Variants in POC1B observed in about 807,000 individuals in gnomAD.
POC1B encodes the protein POC1 centriolar protein homolog B.
Under a neutral mutation model 60.6 loss-of-function variants are expected in POC1B, and 44 were observed. The observed-to-expected ratio is 0.73, with a 90% CI of 0.57 to 0.93. The LOEUF is 0.93. POC1B is among the 40% of genes least tolerant of loss of function. The probability of loss-of-function intolerance (pLI) is 0.00; values close to 1 mark genes in which losing one functional copy is unlikely to be tolerated. For synonymous variants in POC1B, 180 were observed against 198.9 expected, an observed-to-expected ratio of 0.90 and a Z score of 0.80; for missense variants, 555 against 572.3, an observed-to-expected ratio of 0.97 and a Z score of 0.31.
chr12:89,499,749 AC>A, intron 2 of POC1B, among the ~76,000 whole-genome samples: 1 of 152,384 alleles, frequency 6.6e-6, no homozygotes, highest in East Asian at 1.9e-4. Context: ...ACTTTATACC[AC>A]ATACAAAAGT....
intron 2 of POC1B, among the ~76,000 whole-genome samples, chr12:89,513,359 A>G (rs1870279836): frequency 6.6e-6 from 1 of 152,158 alleles, no homozygotes; most frequent in Admixed American, 6.6e-5. Context: ...TCAAAAAAGG[A>G]AAGATTAACT....
intron 9 of POC1B, 158 bp from the exon 10 acceptor site, chr12:89,459,876 A>G: frequency 2.1e-6 from 1 of 481,942 alleles, no homozygotes; most frequent in Admixed American, 3.8e-5. Flanking sequence ...GCTAAATGTT[A>G]GCCTACCAAT....
At chr12:89,443,151 A>T (rs1881608606) in intron 10 of POC1B, among the ~76,000 whole-genome samples, 1 of 152,196 alleles carries the variant, frequency 6.6e-6, no homozygotes, top group Non-Finnish European at 1.5e-5. Context: ...CACAATAATA[A>T]TGGGAGACTT....
chr12:89,432,624 A>T (rs1277363871), intron 10 of POC1B, among the ~76,000 whole-genome samples: 1 of 152,110 alleles, frequency 6.6e-6, no homozygotes, highest in African/African-American at 2.4e-5. Flanking sequence ...GCTAGGTGAC[A>T]AGGGTTAGGA....
At chr12:89,440,279 A>G (rs1881456408) in intron 10 of POC1B, among the ~76,000 whole-genome samples, 1 of 152,212 alleles carries the variant, frequency 6.6e-6, no homozygotes, top group Admixed American at 6.5e-5. Flanking sequence ...AGAGATATGG[A>G]CAGAAGAGTA....
intron 10 of POC1B, chr12:89,428,129 G>T (rs893856574): frequency 6.6e-6 from 1 of 152,196 alleles, no homozygotes; most frequent in Non-Finnish European, 1.5e-5. Context: ...AACAAAATAT[G>T]GATGTCCATG....
intron 2 of POC1B, chr12:89,523,439 C>T (rs774706638): frequency 2.5e-6 from 4 of 1,614,064 alleles, no homozygotes; most frequent in Non-Finnish European, 3.4e-6. Context: ...TTGGGGCGAG[C>T]ATATGGTGCC....
intron 2 of POC1B, among the ~76,000 whole-genome samples, chr12:89,514,147 TA>T (rs1870322209): frequency 6.6e-6 from 1 of 152,098 alleles, no homozygotes; most frequent in African/African-American, 2.4e-5. Flanking sequence ...GATTGGATCA[TA>T]GGGGCAGAAT....
chr12:89,421,213 C>A lies in POC1B; in HGVS notation c.1377G>T (p.Lys459Asn). 3 of 1,603,450 alleles carry A rather than the reference C, an allele frequency of 1.9e-6. No individual in the cohort carries two copies. Among genetic ancestry groups the A allele is most frequent in the Non-Finnish European group, 2.6e-6 (3 of 1,171,830 alleles). Residue 459 changes from lysine to asparagine, a missense_variant, in exon 12 of 12, where the codon AAG becomes AAT. By Grantham distance (94) the Lys-to-Asn change is moderately conservative. Coordinates refer to ENST00000313546, the MANE Select transcript of POC1B (RefSeq NM_172240.3). ...LEQRLTLTED[K>N]LKDCLENQQK... The stretch of plus-strand genomic sequence containing the variant: ...GCTGATTTTCAAGGCAGTCTTTCAG[C>A]TTATCCTCTGTCAAAGTCAGTCGCT...
At chr12:89,501,864 C>G in intron 2 of POC1B, 1 of 1,189,338 alleles carries the variant, frequency 8.4e-7, no homozygotes, top group South Asian at 1.2e-5. Flanking sequence ...CAACTAAAGA[C>G]AGCCAAAGAG....
intron 2 of POC1B, among the ~76,000 whole-genome samples, chr12:89,514,093 T>G (rs577630678): frequency 6.6e-6 from 1 of 152,316 alleles, no homozygotes; most frequent in East Asian, 1.9e-4. Context: ...AATCTCATGT[T>G]GAATTGTAAT....
Position 89,489,087 on chromosome 12 carries a change from A to T in POC1B, c.452+2849T>A, listed in dbSNP as rs188836106. ...CGTGCGTTATCTCCTTAGTTGGGAA[A>T]AAATTGTCAACCCAAGTTACAAAGT... On this transcript the variant is annotated intron_variant, in intron 4 of 11. Coordinates refer to ENST00000313546, the MANE Select transcript of POC1B (RefSeq NM_172240.3). Among the ~76,000 whole-genome samples the T allele has an allele frequency of 1.2e-4, 18 of 152,316 alleles. No individual in the cohort carries two copies. In the East Asian group the frequency reaches 3.3e-3, roughly 28 times the overall value.
At chr12:89,470,564 TATTAGC>T in intron 6 of POC1B, 70 bp from the exon 7 acceptor site, 8 of 1,287,992 alleles carry the variant, frequency 6.2e-6, no homozygotes, top group Non-Finnish European at 8.4e-6. Context: ...CCCAGTGCCT[TATTAGC>T]AATAGGTTGT....
chr12:89,456,981 T>G (rs1349375968), intron 10 of POC1B, among the ~76,000 whole-genome samples: 1 of 152,360 alleles, frequency 6.6e-6, no homozygotes, highest in East Asian at 1.9e-4. Context: ...ATCTTTTTTA[T>G]GTCCTACCTT....
intron 4 of POC1B, among the ~76,000 whole-genome samples, chr12:89,486,787 T>C (rs755784472): frequency 1.3e-5 from 2 of 152,086 alleles, no homozygotes; most frequent in African/African-American, 4.8e-5. Context: ...GTAAGAAGAT[T>C]TCACTTTTCA....
chr12:89,421,355 G>A, intron 11 of POC1B, 98 bp from the exon 12 acceptor site: 1 of 994,324 alleles, frequency 1.0e-6, no homozygotes, highest in Non-Finnish European at 1.5e-6. Flanking sequence ...GAACTGGGAT[G>A]CCCACCCTTC....
At chr12:89,445,711 T>A (rs1403483778) in intron 10 of POC1B, among the ~76,000 whole-genome samples, 3 of 151,730 alleles carry the variant, frequency 2.0e-5, no homozygotes, top group African/African-American at 4.8e-5. Flanking sequence ...GGACTTCATG[T>A]CTAAAACACC....
In POC1B at chr12:89,503,141, T is replaced by C. The variant is rs1223432583; in HGVS notation, c.101-5799A>G. Among the ~76,000 whole-genome samples the C allele has an allele frequency of 5.9e-5, 9 of 152,156 alleles. No homozygotes were observed. The East Asian group carries it at 1.5e-3, about 26-fold the overall frequency. ...CCCACGGTCTCCCTCTCCCTCTCTT[T>C]CCACAGTCTCCCTCTGATGCCCAGC... is the stretch of plus-strand genomic sequence containing the variant. On this transcript the variant is annotated intron_variant, in intron 2 of 11. Coordinates refer to ENST00000313546, the MANE Select transcript of POC1B (RefSeq NM_172240.3).
At position 89,420,719 on chromosome 12, in the gene POC1B, T is replaced by C. The variant is rs550005751; in HGVS notation, c.*434A>G. ...AACTAGTCAGATCAATAACTCATTA[T>C]TGGCATATAGGATGCTATTTTGGAG... On this transcript the variant is annotated 3_prime_UTR_variant, in exon 12 of 12. Transcript: ENST00000313546. 17 of 154,690 alleles carry C rather than the reference T, an allele frequency of 1.1e-4. No individual in the cohort carries two copies. The highest frequency in any genetic ancestry group is 2.0e-4 in the Non-Finnish European group (14 of 69,726). The allele number at this position is 154,690 out of a possible 1,614,324, so 9.6% of individuals were successfully genotyped here.
Sources: allele counts gnomAD v4.1 joint callset (sites outside exome capture counted in the v4.1 genomes callset), GRCh38; gene constraint gnomAD v4.1.1; transcripts MANE v1.5; gene names NCBI Gene and HGNC (gene_info 2026-07-23, HGNC 2026-07-21).